The following MRPS27 variants were observed in gnomAD, a reference collection of about 807,000 sequenced individuals.
MRPS27 encodes the protein small ribosomal subunit protein mS27.
MRPS27 carries 43 observed loss-of-function variants against 48.9 expected under a neutral mutation model. The ratio of observed to expected loss-of-function variants is 0.88; its 90% CI spans 0.69 to 1.13. The LOEUF (loss-of-function observed/expected upper bound fraction) is 1.13. Among genes scored for constraint, MRPS27 ranks in the 50% most tolerant of loss-of-function variants. MRPS27 has a pLI of 0.00. For synonymous variants in MRPS27, 188 were observed against 171.9 expected (o/e 1.09, Z -0.73); for missense variants, 467 against 476.3 (o/e 0.98, Z 0.18).
chr5:72,236,695 T>C (rs761229548), intron 5 of MRPS27, among the ~76,000 whole-genome samples: 1 of 152,044 alleles, frequency 6.6e-6, no homozygotes, highest in Non-Finnish European at 1.5e-5. Flanking sequence ...TAACATACCT[T>C]ATACCCCAGG....
chr5:72,251,129 C>A (rs1748653601), intron 4 of MRPS27, among the ~76,000 whole-genome samples: 1 of 152,168 alleles, frequency 6.6e-6, no homozygotes, highest in Non-Finnish European at 1.5e-5. Flanking sequence ...TGATTATTAC[C>A]ATCCACACGG....
At chr5:72,261,255 G>A (rs1403597508) in intron 4 of MRPS27, among the ~76,000 whole-genome samples, 1 of 152,074 alleles carries the variant, frequency 6.6e-6, no homozygotes, top group African/African-American at 2.4e-5. Context: ...ATGTATGTAT[G>A]TATGTATGTA....
intron 2 of MRPS27, among the ~76,000 whole-genome samples, chr5:72,306,974 G>A (rs1750286334): frequency 6.6e-6 from 1 of 152,104 alleles, no homozygotes; most frequent in Non-Finnish European, 1.5e-5. Context: ...AGAGTTAACG[G>A]GGGCACATAG....
chr5:72,226,133 C>A lies in MRPS27; in HGVS notation c.761G>T (p.Gly254Val). Reference sequence around the variant, plus strand: ...CACTTGAAGGGCTCTGTCAAGGTAGCCTGGTTTCCATATCAGAGGCATGTT... The same window carrying A: ...CACTTGAAGGGCTCTGTCAAGGTAGACTGGTTTCCATATCAGAGGCATGTT... ...YHNMPLIWKPGYLDRALQVME... is the reference protein window; with the variant it reads ...YHNMPLIWKPVYLDRALQVME... Residue 254 changes from glycine (G) to valine (V), a missense_variant, in exon 9 of 11, where the codon GGC (glycine) becomes GTC (valine). By Grantham distance (109) the Gly-to-Val change is moderately radical (BLOSUM62 -3). Transcript: ENST00000261413. 1 of 1,613,804 alleles carries A rather than the reference C, an allele frequency of 6.2e-7. No individual in the cohort carries two copies. Among genetic ancestry groups the A allele is most frequent in the Non-Finnish European group, 8.5e-7 (1 of 1,179,818 alleles).
intron 4 of MRPS27, among the ~76,000 whole-genome samples, chr5:72,281,960 T>C (rs1390356836): frequency 6.6e-6 from 1 of 152,168 alleles, no homozygotes; most frequent in Non-Finnish European, 1.5e-5. Flanking sequence ...TGATCTGGTG[T>C]TGGAAGACCT....
intron 1 of MRPS27, among the ~76,000 whole-genome samples, chr5:72,319,107 C>A (rs1340747809): frequency 6.6e-6 from 1 of 152,048 alleles, no homozygotes; most frequent in Non-Finnish European, 1.5e-5. Flanking sequence ...GGAAGATAAG[C>A]GGCAATGGAA....
Position 72,297,663 on chromosome 5 carries a change from T to A in MRPS27, c.191A>T (p.Lys64Met). ...ASLMDKTFER[K>M]LPVSSLTISR... Reference sequence around the variant, plus strand: ...TATTGTTAAAGAACTAACAGGCAACTTTCTCTCAAATGTTTTATCCATTAA... The same window carrying A: ...TATTGTTAAAGAACTAACAGGCAACATTCTCTCAAATGTTTTATCCATTAA... The change falls in exon 3 of 11, where the codon AAG (lysine) becomes ATG (methionine). Residue 64 changes from lysine (K) to methionine (M), a missense_variant. Physicochemically the swap from Lys to Met is moderately conservative, Grantham distance 95 (BLOSUM62 -1). Transcript: ENST00000261413. 2 of 1,603,064 alleles carry A rather than the reference T, an allele frequency of 1.2e-6. No individual in the cohort carries two copies. The highest frequency in any genetic ancestry group is 1.7e-6 in the Non-Finnish European group (2 of 1,174,974).
intron 5 of MRPS27, among the ~76,000 whole-genome samples, chr5:72,234,843 AT>A (rs1230873029): frequency 6.6e-6 from 1 of 152,078 alleles, no homozygotes; most frequent in African/African-American, 2.4e-5. Context: ...AAAACCCTGA[AT>A]TTTTAGTGAG....
intron 4 of MRPS27, among the ~76,000 whole-genome samples, chr5:72,257,896 A>G (rs1748851676): frequency 6.6e-6 from 1 of 152,132 alleles, no homozygotes; most frequent in Non-Finnish European, 1.5e-5. Flanking sequence ...CAGCCTGGCC[A>G]ACACGGTGAA....
chr5:72,300,083 T>C (rs1750088145), intron 2 of MRPS27, among the ~76,000 whole-genome samples: 1 of 152,196 alleles, frequency 6.6e-6, no homozygotes, highest in Non-Finnish European at 1.5e-5. Flanking sequence ...GATACAGCTG[T>C]TACTACCTCC....
intron 4 of MRPS27, among the ~76,000 whole-genome samples, chr5:72,264,030 G>A (rs1232715423): frequency 6.6e-6 from 1 of 152,054 alleles, no homozygotes; most frequent in Non-Finnish European, 1.5e-5. Context: ...ATAAAATGTA[G>A]TATATACATA....
chr5:72,236,532 A>G (rs1400257428), intron 5 of MRPS27, among the ~76,000 whole-genome samples: 1 of 152,150 alleles, frequency 6.6e-6, no homozygotes, highest in Non-Finnish European at 1.5e-5. Flanking sequence ...AATCTGTGAC[A>G]TTACACTCTG....
chr5:72,243,732 A>G (rs2111970900), intron 4 of MRPS27, among the ~76,000 whole-genome samples: 1 of 152,320 alleles, frequency 6.6e-6, no homozygotes, highest in South Asian at 2.1e-4. Context: ...CGAATTCACT[A>G]TCTACCTTCA....
chr5:72,241,746 G>A, intron 4 of MRPS27: 1 of 1,498,590 alleles, frequency 6.7e-7, no homozygotes, highest in South Asian at 1.2e-5. Flanking sequence ...TTTCCAATTT[G>A]CCTGCAAACA....
intron 4 of MRPS27, among the ~76,000 whole-genome samples, chr5:72,238,846 C>T (rs1022364190): frequency 2.0e-5 from 3 of 152,106 alleles, no homozygotes; most frequent in African/African-American, 7.2e-5. Flanking sequence ...AAAGGAATTC[C>T]AAATGCTGCT....
At chr5:72,231,958 C>A (rs1426160232) in intron 7 of MRPS27, among the ~76,000 whole-genome samples, 1 of 152,134 alleles carries the variant, frequency 6.6e-6, no homozygotes, top group Non-Finnish European at 1.5e-5. Context: ...ATTGCTATTG[C>A]TATTCTTAGG....
intron 4 of MRPS27, 98 bp from the exon 5 acceptor site, chr5:72,238,226 C>A: frequency 7.0e-6 from 5 of 715,514 alleles, no homozygotes; most frequent in Middle Eastern, 2.9e-4. Context: ...TTACAGAGTG[C>A]AATGTGACAG....
intron 4 of MRPS27, among the ~76,000 whole-genome samples, chr5:72,246,612 G>C (rs1748518758): frequency 6.6e-6 from 1 of 152,308 alleles, no homozygotes; most frequent in South Asian, 2.1e-4. Context: ...ATAAGGGAGA[G>C]ACAAAAAGTT....
At chr5:72,296,185 A>G (rs961220327) in intron 3 of MRPS27, among the ~76,000 whole-genome samples, 5 of 152,184 alleles carry the variant, frequency 3.3e-5, no homozygotes, top group African/African-American at 9.6e-5. Flanking sequence ...AATAAAAAGG[A>G]TTATTCCAAA....
Sources: gnomAD v4.1 joint callset for allele counts (sites outside exome capture counted in the v4.1 genomes callset) on GRCh38, gnomAD v4.1.1 for gene constraint, MANE v1.5 for transcripts, NCBI Gene and HGNC (gene_info 2026-07-23, HGNC 2026-07-21) for gene names.